MEGF10: variants seen among roughly 807,000 people sequenced by gnomAD.
The protein encoded by MEGF10 is multiple epidermal growth factor-like domains protein 10.
In MEGF10, 86 loss-of-function variants were observed where a neutral mutation model predicts 147.5. That is an observed-to-expected ratio of 0.58 (90% confidence interval 0.49 to 0.70). The LOEUF (loss-of-function observed/expected upper bound fraction) is 0.70, where lower values mean the gene tolerates loss of function less well. MEGF10 is among the 30% of genes least tolerant of loss of function. MEGF10 has a pLI of 0.00. For synonymous variants in MEGF10, 478 were observed against 525.5 expected (o/e 0.91, Z 1.24); for missense variants, 1,329 against 1,487.3 (o/e 0.89, Z 1.75).
At chr5:127,312,143 G>C (rs548768491) in intron 1 of MEGF10, among the ~76,000 whole-genome samples, 1 of 152,124 alleles carries the variant, frequency 6.6e-6, no homozygotes, top group Non-Finnish European at 1.5e-5. Context: ...CTCCAGGGAA[G>C]CATGGTCAGT....
chr5:127,380,547 T>C (rs1763212463), intron 5 of MEGF10, among the ~76,000 whole-genome samples: 1 of 151,236 alleles, frequency 6.6e-6, no homozygotes, highest in African/African-American at 2.4e-5. Flanking sequence ...AGATGGAGTC[T>C]CGCATTGTCA....
At chr5:127,327,070 G>T (rs538007490) in intron 1 of MEGF10, among the ~76,000 whole-genome samples, 5 of 152,162 alleles carry the variant, frequency 3.3e-5, no homozygotes, top group Non-Finnish European at 5.9e-5. Context: ...ATTATTTACT[G>T]AGGCTTTTGT....
At chr5:127,451,896 A>C (rs1766166450) in intron 22 of MEGF10, among the ~76,000 whole-genome samples, 1 of 152,230 alleles carries the variant, frequency 6.6e-6, no homozygotes, top group African/African-American at 2.4e-5. Flanking sequence ...TAAATGATGG[A>C]ATAGTTGTCG....
chr5:127,417,558 T>C (rs904372924), intron 9 of MEGF10, 80 bp from the exon 10 acceptor site: 7 of 1,379,574 alleles, frequency 5.1e-6, no homozygotes, highest in African/African-American at 1.4e-5. Context: ...TTAGTGATCA[T>C]TGCTAAAGCA....
chr5:127,296,943 T>C (rs1580674636), intron 1 of MEGF10, among the ~76,000 whole-genome samples: 1 of 152,204 alleles, frequency 6.6e-6, no homozygotes, highest in African/African-American at 2.4e-5. Context: ...AGTTACTTTT[T>C]GTTCCACCAG....
chr5:127,405,282 T>G (rs1764279976), intron 8 of MEGF10, among the ~76,000 whole-genome samples: 1 of 152,160 alleles, frequency 6.6e-6, no homozygotes, highest in Non-Finnish European at 1.5e-5. Context: ...TAAATCTTGG[T>G]CTAATTTTAT....
At chr5:127,247,571 A>G in the MEGF10 span, among the ~76,000 whole-genome samples, 25 of 152,220 alleles carry the variant, frequency 1.6e-4, no homozygotes, top group African/African-American at 5.8e-4. Flanking sequence ...TTTACAGGCC[A>G]TAATGGAGTA....
At chr5:127,237,160 C>T in the MEGF10 span, among the ~76,000 whole-genome samples, 1 of 152,160 alleles carries the variant, frequency 6.6e-6, no homozygotes. Context: ...TATGTTTGCA[C>T]ATCTGGGTTT....
At chr5:127,230,653 T>A in the MEGF10 span, among the ~76,000 whole-genome samples, 1 of 152,188 alleles carries the variant, frequency 6.6e-6, no homozygotes, top group African/African-American at 2.4e-5. Flanking sequence ...ACATATATTA[T>A]GTATCCCTCC....
the MEGF10 span, among the ~76,000 whole-genome samples, chr5:127,241,722 A>C: frequency 6.6e-6 from 1 of 152,170 alleles, no homozygotes; most frequent in Non-Finnish European, 1.5e-5. Flanking sequence ...GCTATAACAG[A>C]GAGTGAAATA....
intron 4 of MEGF10, 59 bp downstream of exon 4, chr5:127,340,689 C>T (rs1761647557): frequency 7.3e-7 from 1 of 1,369,914 alleles, no homozygotes; most frequent in Non-Finnish European, 1.0e-6. Flanking sequence ...TGGTTTGCTT[C>T]CATTAATAGC....
At chr5:127,364,759 G>A (rs960950380) in intron 4 of MEGF10, among the ~76,000 whole-genome samples, 2 of 151,932 alleles carry the variant, frequency 1.3e-5, no homozygotes, top group Admixed American at 6.6e-5. Flanking sequence ...TTCCTCCTTC[G>A]AATCTTCTGA....
At chr5:127,249,078 A>T in the MEGF10 span, among the ~76,000 whole-genome samples, 6 of 152,018 alleles carry the variant, frequency 3.9e-5, no homozygotes, top group Non-Finnish European at 7.4e-5. Flanking sequence ...TTATTTTCTC[A>T]CCTTTAAATT....
chr5:127,425,975 G>C (rs1765196177), intron 13 of MEGF10, among the ~76,000 whole-genome samples: 1 of 152,216 alleles, frequency 6.6e-6, no homozygotes, highest in African/African-American at 2.4e-5. Flanking sequence ...TGACACAGAA[G>C]CCAGGGCTCT....
intron 13 of MEGF10, among the ~76,000 whole-genome samples, chr5:127,433,029 C>T (rs999364173): frequency 1.1e-4 from 17 of 152,286 alleles, no homozygotes; most frequent in African/African-American, 4.1e-4. Flanking sequence ...AGGAGGAAGT[C>T]ACCAAGGGCT....
At chr5:127,262,780 C>T in the MEGF10 span, among the ~76,000 whole-genome samples, 6 of 152,294 alleles carry the variant, frequency 3.9e-5, no homozygotes, top group East Asian at 1.2e-3. Context: ...TTTCTGCCTT[C>T]TACACTTTTG....
intron 9 of MEGF10, among the ~76,000 whole-genome samples, chr5:127,413,903 T>A (rs1018641239): frequency 2.6e-5 from 4 of 152,244 alleles, no homozygotes; most frequent in Admixed American, 2.0e-4. Flanking sequence ...TTTGTTGAAT[T>A]CATTGTCATC....
At chr5:127,260,740 C>G in the MEGF10 span, among the ~76,000 whole-genome samples, 159 of 152,120 alleles carry the variant, frequency 1.0e-3, no homozygotes, top group Non-Finnish European at 2.0e-3. Context: ...CTAGGCATTT[C>G]GAGCAGAGTG....
the MEGF10 span, among the ~76,000 whole-genome samples, chr5:127,256,593 C>G: frequency 1.3e-5 from 2 of 152,138 alleles, no homozygotes; most frequent in African/African-American, 4.8e-5. Context: ...TGATCTCTCT[C>G]CCTTGCAGTG....
Sources: gnomAD v4.1 joint callset for allele counts (sites outside exome capture counted in the v4.1 genomes callset) on GRCh38, gnomAD v4.1.1 for gene constraint, MANE v1.5 for transcripts, NCBI Gene and HGNC (gene_info 2026-07-23, HGNC 2026-07-21) for gene names.